The following SORBS3 variants were observed in gnomAD, a reference collection of about 807,000 sequenced individuals.
SORBS3 encodes the protein sorbin and SH3 domain containing 3.
A neutral mutation model predicts 98.0 loss-of-function variants in SORBS3; 69 were observed. That is an observed-to-expected ratio of 0.70 (90% CI 0.58 to 0.86). SORBS3 has a LOEUF of 0.86. Ranked by LOEUF, SORBS3 falls within the 40% of genes least tolerant of loss-of-function variation. SORBS3 has a pLI of 0.00. For missense variants in SORBS3, 954 were observed against 908.5 expected (o/e 1.05, Z -0.64); for synonymous variants, 394 against 355.4 (o/e 1.11, Z -1.22).
chr8:22,563,105 C>T (rs1423771324), intron 7 of SORBS3, among the ~76,000 whole-genome samples: 2 of 150,684 alleles, frequency 1.3e-5, no homozygotes, highest in African/African-American at 2.5e-5. Context: ...GGCGACAGAG[C>T]GAGACTCCGT....
intron 10 of SORBS3, 116 bp downstream of exon 10, chr8:22,564,637 A>G (rs3758038): frequency 0.48 from 687,166 of 1,441,054 alleles, 168,449 homozygotes; most frequent in Non-Finnish European, 0.5. Flanking sequence ...CTCCAGTCCC[A>G]CATGGTTTAT....
At position 22,566,422 on chromosome 8, in the gene SORBS3, T is replaced by A; in HGVS notation, c.1028T>A (p.Met343Lys). 1 of 1,614,022 alleles carries A rather than the reference T, an allele frequency of 6.2e-7. No individual in the cohort carries two copies. Among genetic ancestry groups the A allele is most frequent in the Non-Finnish European group, 8.5e-7 (1 of 1,179,960 alleles). The change falls in exon 13 of 21, where the codon ATG becomes AAG. Residue 343 changes from methionine (M) to lysine (K), a missense_variant. Physicochemically the swap from Met to Lys is moderately conservative, Grantham distance 95 (BLOSUM62 -1). Coordinates refer to ENST00000240123, the MANE Select transcript of SORBS3 (RefSeq NM_005775.5). ...GCCCGGTCCCTGAGTCCCCACAAAA[T>A]GGCTGATGGAGGAAGCCCCTTCCTA... Reference protein sequence around the residue: ...GSARSLSPHKMADGGSPFLGR... With the variant: ...GSARSLSPHKKADGGSPFLGR...
intron 16 of SORBS3, among the ~76,000 whole-genome samples, chr8:22,568,768 G>C (rs755661716): frequency 4.6e-5 from 7 of 152,142 alleles, no homozygotes; most frequent in Non-Finnish European, 1.0e-4. Flanking sequence ...GTGAGAAAAG[G>C]GTGAATGCTC....
At chr8:22,560,361 A>G (rs1372385715) in intron 5 of SORBS3, among the ~76,000 whole-genome samples, 1 of 152,124 alleles carries the variant, frequency 6.6e-6, no homozygotes, top group Non-Finnish European at 1.5e-5. Flanking sequence ...CTAGGGAGAT[A>G]GAGAGACAAA....
chr8:22,552,796 C>T (rs1164148383), intron 1 of SORBS3, among the ~76,000 whole-genome samples: 1 of 152,216 alleles, frequency 6.6e-6, no homozygotes, highest in Non-Finnish European at 1.5e-5. Flanking sequence ...TCCTGACCTT[C>T]CACCCCACCC....
intron 16 of SORBS3, among the ~76,000 whole-genome samples, chr8:22,568,739 G>A (rs1324134762): frequency 6.6e-6 from 1 of 152,146 alleles, no homozygotes; most frequent in Non-Finnish European, 1.5e-5. Flanking sequence ...TGGAACCCAG[G>A]GACACCCGGT....
Position 22,554,307 on chromosome 8 carries a change from T to C in SORBS3, c.-55-145T>C. The C allele has an allele frequency of 1.2e-6, 1 of 805,746 alleles. No homozygotes were observed. The highest frequency in any genetic ancestry group is 2.2e-5 in the South Asian group (1 of 46,340). 49.9% of individuals were successfully genotyped at this position (805,746 alleles called of 1,614,324 possible). On this transcript the variant is annotated intron_variant, in intron 1 of 20. Transcript: ENST00000240123. This position sits in a 1 kb window ranked among gnomAD's most constrained non-coding sequence, Gnocchi z 6.5. Reference sequence around the variant, plus strand: ...CTGCAGGCGGGTGCCTGGCGTGGCCTGTTTCCTGGGTCCTTGAGCTAGTAC... The same window carrying C: ...CTGCAGGCGGGTGCCTGGCGTGGCCCGTTTCCTGGGTCCTTGAGCTAGTAC...
intron 16 of SORBS3, 139 bp downstream of exon 16, chr8:22,567,314 C>T (rs1251059570): frequency 7.8e-6 from 5 of 643,062 alleles, no homozygotes; most frequent in African/African-American, 1.8e-5. Flanking sequence ...CCTTGGCCCC[C>T]ACAGGGCTTG....
rs571373802 is a variant in SORBS3 at position 22,574,851 on chromosome 8, C to T, written c.*123C>T. On this transcript the variant is annotated 3_prime_UTR_variant, in exon 21 of 21. Transcript: ENST00000240123. ...GACCTGAGCTCCCAGCATCTGCAGA[C>T]GACCCCCGCAGCCTTTCCCTCGGAC... The T allele has an allele frequency of 2.4e-4, 225 of 954,920 alleles. 2 individuals carry two copies. In the South Asian group the frequency reaches 2.5e-3, roughly 10 times the overall value. 59.2% of individuals were successfully genotyped at this position (954,920 alleles called of 1,614,324 possible).
chr8:22,557,499 T>C (rs1488756048), intron 4 of SORBS3, among the ~76,000 whole-genome samples: 1 of 152,156 alleles, frequency 6.6e-6, no homozygotes, highest in Non-Finnish European at 1.5e-5. Context: ...CGCATCTCAC[T>C]CCTACATTAT....
chr8:22,562,842 T>C (rs1840323422), intron 7 of SORBS3, among the ~76,000 whole-genome samples: 1 of 152,168 alleles, frequency 6.6e-6, no homozygotes, highest in Non-Finnish European at 1.5e-5. Flanking sequence ...CAAGGCTGGG[T>C]GTGGTGGCTC....
chr8:22,554,378 T>C lies in SORBS3; in HGVS notation c.-55-74T>C, dbSNP rs1840143516. On this transcript the variant is annotated intron_variant, in intron 1 of 20. Coordinates refer to ENST00000240123, the MANE Select transcript of SORBS3 (RefSeq NM_005775.5). The surrounding 1 kb of genome is among the most constrained non-coding windows in gnomAD (Gnocchi z 6.5). ...CCCACAGCCGGCCCCTCCTCCCCTA[T>C]CCCAGGGTCGAGCCAAGAGGGCATG... The C allele has an allele frequency of 8.4e-6, 12 of 1,434,468 alleles. No individual in the cohort carries two copies. Among genetic ancestry groups the C allele is most frequent in the Non-Finnish European group, 1.1e-5 (12 of 1,089,330 alleles). The allele number at this position is 1,434,468 out of a possible 1,614,324, so 88.9% of individuals were successfully genotyped here.
At chr8:22,572,278 G>A (rs912877924) in intron 19 of SORBS3, 62 bp from the exon 20 acceptor site, 22 of 1,369,868 alleles carry the variant, frequency 1.6e-5, no homozygotes, top group African/African-American at 1.3e-4. Context: ...CACAGGAAGC[G>A]GCAACACTTG....
intron 7 of SORBS3, 27 bp from the exon 8 acceptor site, chr8:22,563,960 T>C (rs1198758919): frequency 6.4e-7 from 1 of 1,571,686 alleles, no homozygotes; most frequent in Admixed American, 1.7e-5. Flanking sequence ...AAAAGGAAGC[T>C]GAAGAGATGT....
chr8:22,565,180 G>A (rs1840379323), intron 10 of SORBS3, 88 bp from the exon 11 acceptor site: 1 of 1,493,286 alleles, frequency 6.7e-7, no homozygotes, highest in Non-Finnish European at 9.1e-7. Flanking sequence ...CGGTGCGCTG[G>A]CCTTGCTTTT....
chr8:22,569,462 C>T (rs1840514599), intron 17 of SORBS3, among the ~76,000 whole-genome samples, 189 bp downstream of exon 17: 1 of 152,152 alleles, frequency 6.6e-6, no homozygotes, highest in Non-Finnish European at 1.5e-5. Flanking sequence ...GCCTCAGCTT[C>T]CCGAGTAGCT....
chr8:22,568,303 T>C (rs1840478464), intron 16 of SORBS3, among the ~76,000 whole-genome samples: 1 of 152,246 alleles, frequency 6.6e-6, no homozygotes, highest in Non-Finnish European at 1.5e-5. Flanking sequence ...TATTTGCTTA[T>C]TGTTGCTTGC....
At chr8:22,567,456 A>G (rs988083874) in intron 16 of SORBS3, among the ~76,000 whole-genome samples, 1 of 152,236 alleles carries the variant, frequency 6.6e-6, no homozygotes, top group Non-Finnish European at 1.5e-5. Context: ...GTCTTTCTAA[A>G]GCTGTCTTTG....
In SORBS3 at chr8:22,564,964, T is replaced by C. The variant is rs1050040730; in HGVS notation, c.817-304T>C. On this transcript the variant is annotated intron_variant, in intron 10 of 20. Transcript: ENST00000240123. ...GGGCGGGAGAAGATGGGAGAGGAAA[T>C]GGGGAACCCCATTGGTGCTGTAACA... 1.7e-5 allele frequency: 22 copies of C among 1,322,432 alleles called. No homozygotes were observed. In the African/African-American group the frequency reaches 2.9e-4, roughly 17 times the overall value. The allele number at this position is 1,322,432 out of a possible 1,614,324, so 81.9% of individuals were successfully genotyped here.
Sources: gnomAD v4.1 joint callset for allele counts (sites outside exome capture counted in the v4.1 genomes callset) on GRCh38, gnomAD v4.1.1 for gene constraint, Gnocchi (gnomAD v3.1) non-coding constraint, MANE v1.5 for transcripts, NCBI Gene and HGNC (gene_info 2026-07-23, HGNC 2026-07-21) for gene names.